The following RAPH1 variants were observed in gnomAD, a reference collection of about 807,000 sequenced individuals.
RAPH1 encodes ras-associated and pleckstrin homology domains-containing protein 1.
A neutral mutation model predicts 88.1 loss-of-function variants in RAPH1; 18 were observed. That is an observed-to-expected ratio of 0.20 (90% CI 0.14 to 0.30). The LOEUF is 0.30. RAPH1 is among the 10% of genes least tolerant of loss of function. The pLI, the probability that RAPH1 is intolerant of heterozygous loss-of-function variation, is 1.00. For synonymous variants in RAPH1, 587 were observed against 559.0 expected, an observed-to-expected ratio of 1.05 and a Z score of -0.71; for missense variants, 1,448 against 1,543.2, an observed-to-expected ratio of 0.94 and a Z score of 1.03.
chr2:203,481,430 C>A (rs1212340118), intron 4 of RAPH1, among the ~76,000 whole-genome samples: 1 of 152,106 alleles, frequency 6.6e-6, no homozygotes, highest in Non-Finnish European at 1.5e-5. Flanking sequence ...ACAGAACAAG[C>A]ACTCAATTTT....
At chr2:203,489,455 C>A in intron 4 of RAPH1, 129 bp downstream of exon 4, 1 of 642,360 alleles carries the variant, frequency 1.6e-6, no homozygotes, top group Non-Finnish European at 2.3e-6. Flanking sequence ...ACTCTTGAAA[C>A]CTATCTCAGA....
At chr2:203,471,005 G>C (rs547408174) in intron 4 of RAPH1, among the ~76,000 whole-genome samples, 7 of 152,286 alleles carry the variant, frequency 4.6e-5, no homozygotes, top group African/African-American at 1.4e-4. Context: ...CTGTTTTCGT[G>C]AAAATAATTT....
intron 4 of RAPH1, 64 bp from the exon 5 acceptor site, chr2:203,461,989 T>C: frequency 4.3e-6 from 6 of 1,386,714 alleles, no homozygotes; most frequent in Non-Finnish European, 5.0e-6. Flanking sequence ...GAAATCTTTT[T>C]TATCCTTAAG....
intron 1 of RAPH1, among the ~76,000 whole-genome samples, chr2:203,517,874 TA>T (rs1689686417): frequency 6.6e-6 from 1 of 152,104 alleles, no homozygotes; most frequent in African/African-American, 2.4e-5. Flanking sequence ...AAGCAATGCT[TA>T]GAGGGACATT....
rs185942399 is a variant in RAPH1 at position 203,522,568 on chromosome 2, A to C, written c.-1+12543T>G. Among the ~76,000 whole-genome samples, 22 of 152,296 alleles carry C rather than the reference A, an allele frequency of 1.4e-4. No individual in the cohort carries two copies. In the East Asian group the frequency reaches 3.5e-3, roughly 24 times the overall value. ...ACAGAAACTGACAAGAGTATTCTAA[A>C]ATTTATATGGAAAAGCAAATGACCT... On this transcript the variant is annotated intron_variant, in intron 1 of 13. Transcript: ENST00000319170.
At position 203,448,817 on chromosome 2, in the gene RAPH1, T is replaced by C. The variant is rs2098512251; in HGVS notation, c.1433A>G (p.Lys478Arg). The part of the protein sequence containing the change: ...LVLKHPQIQK[K>R]SQYIKYLCCD... The stretch of plus-strand genomic sequence containing the variant: ...ACAAAGGTATTTGATATATTGAGAT[T>C]TCTTCTGGATTTGTGGATGCTGCAA... Residue 478 changes from lysine to arginine, a missense_variant, in exon 11 of 14, where the codon AAA (lysine) becomes AGA (arginine). Lys to Arg is a conservative substitution (Grantham distance 26). Around this residue, in one of 2 missense-constraint regions of RAPH1, gnomAD observed 513 missense variants for 653.1 expected, o/e 0.79. Coordinates refer to ENST00000319170, the MANE Select transcript of RAPH1 (RefSeq NM_213589.3). The surrounding 1 kb of genome is among the most constrained non-coding windows in gnomAD (Gnocchi z 4.1). 1.9e-6 allele frequency: 3 copies of C among 1,609,904 alleles called. No individual in the cohort carries two copies. The highest frequency in any genetic ancestry group is 2.5e-6 in the Non-Finnish European group (3 of 1,178,474).
intron 1 of RAPH1, among the ~76,000 whole-genome samples, chr2:203,507,952 C>A (rs994076522): frequency 1.3e-5 from 2 of 151,788 alleles, no homozygotes; most frequent in Admixed American, 6.6e-5. Flanking sequence ...GTGGCTCATG[C>A]CTGTAATCCC....
At chr2:203,481,758 A>ATT (rs757903816) in intron 4 of RAPH1, among the ~76,000 whole-genome samples, 64 of 137,352 alleles carry the variant, frequency 4.7e-4, no homozygotes, top group African/African-American at 1.4e-3. Flanking sequence ...CGCCAGGATA[A>ATT]TTTTTTTTTT....
At chr2:203,533,307 T>C (rs1056537368) in intron 1 of RAPH1, 1 of 152,132 alleles carries the variant, frequency 6.6e-6, no homozygotes, top group African/African-American at 2.4e-5. Flanking sequence ...GAGACAGCAA[T>C]CTAAATTATA....
intron 10 of RAPH1, among the ~76,000 whole-genome samples, chr2:203,449,947 C>T (rs1042453431): frequency 6.7e-6 from 1 of 150,324 alleles, no homozygotes; most frequent in Non-Finnish European, 1.5e-5. Flanking sequence ...CGCTTAAACC[C>T]AGGAGGCAGA....
At chr2:203,493,918 C>G (rs1358847001) in intron 2 of RAPH1, among the ~76,000 whole-genome samples, 1 of 132,238 alleles carries the variant, frequency 7.6e-6, no homozygotes, top group African/African-American at 2.9e-5. Context: ...TTGCACTGAG[C>G]TGAGATCACA....
At chr2:203,508,209 A>C (rs1204412618) in intron 1 of RAPH1, among the ~76,000 whole-genome samples, 1 of 145,642 alleles carries the variant, frequency 6.9e-6, no homozygotes, top group African/African-American at 2.6e-5. Context: ...GCAACAGAGC[A>C]AGACTCTGTC....
chr2:203,442,122 A>G, intron 13 of RAPH1: 2 of 1,553,186 alleles, frequency 1.3e-6, no homozygotes, highest in Non-Finnish European at 1.7e-6. Flanking sequence ...CATTATAGCA[A>G]AAGACTGTAA....
At chr2:203,484,900 A>G (rs1232863928) in intron 4 of RAPH1, among the ~76,000 whole-genome samples, 1 of 152,194 alleles carries the variant, frequency 6.6e-6, no homozygotes, top group Admixed American at 6.5e-5. Context: ...GAGACATGCC[A>G]TCTTCTGAGG....
intron 4 of RAPH1, among the ~76,000 whole-genome samples, chr2:203,466,143 T>C (rs2098528268): frequency 6.6e-6 from 1 of 152,242 alleles, no homozygotes; most frequent in Non-Finnish European, 1.5e-5. Flanking sequence ...AGGCATATTT[T>C]AGTTTATACT....
In RAPH1 at chr2:203,521,359, T is replaced by G. The variant is rs576956487; in HGVS notation, c.-1+13752A>C. On this transcript the variant is annotated intron_variant, in intron 1 of 13. Transcript: ENST00000319170. Reference sequence around the variant, plus strand: ...ATGAGCCACTGCACCCAGCCAAAAATGCAGATTTTTGAAAAATATAAATAT... The same window carrying G: ...ATGAGCCACTGCACCCAGCCAAAAAGGCAGATTTTTGAAAAATATAAATAT... Among the ~76,000 whole-genome samples, 6 of 152,234 alleles carry G rather than the reference T, an allele frequency of 3.9e-5. No homozygotes were observed. The South Asian group carries it at 1.2e-3, about 32-fold the overall frequency.
rs1338366090 is a variant in RAPH1, at chr2:203,437,896, T to C, written c.*1541A>G. ...TGTGCTCCCCTTATAAGTGCTGGGA[T>C]GGCCCATTTTTATTCTCTTGTTTAG... is the stretch of plus-strand genomic sequence containing the variant. On this transcript the variant is annotated 3_prime_UTR_variant, in exon 14 of 14. Transcript: ENST00000319170. The C allele has an allele frequency of 1.5e-5, 4 of 271,838 alleles. No individual in the cohort carries two copies. The East Asian group carries it at 3.3e-4, about 22-fold the overall frequency. 16.8% of individuals were successfully genotyped at this position (271,838 alleles called of 1,614,324 possible). A position where few individuals can be genotyped will look rare whatever the true frequency, so the allele number is the denominator to read the frequency against.
At chr2:203,442,004 T>C (rs1207882267) in intron 13 of RAPH1, 7 of 1,551,440 alleles carry the variant, frequency 4.5e-6, no homozygotes, top group Middle Eastern at 1.7e-4. Context: ...CTCGTGTTGG[T>C]GTGAGACAAT....
chr2:203,455,878 G>A (rs924710978), intron 8 of RAPH1, among the ~76,000 whole-genome samples: 1 of 150,946 alleles, frequency 6.6e-6, no homozygotes, highest in Non-Finnish European at 1.5e-5. Context: ...GCATGGTGGC[G>A]CGAGCCTGTA....
Sources: allele counts gnomAD v4.1 joint callset (sites outside exome capture counted in the v4.1 genomes callset), GRCh38; gene constraint gnomAD v4.1.1; regional missense constraint gnomAD v4.1.1; non-coding constraint Gnocchi (gnomAD v3.1); transcripts MANE v1.5; gene names NCBI Gene and HGNC (gene_info 2026-07-23, HGNC 2026-07-21).